The following ALDH9A1 variants were observed in gnomAD, a reference collection of about 807,000 sequenced individuals.
ALDH9A1 encodes the protein aldehyde dehydrogenase 9 family member A1.
ALDH9A1 carries 42 observed loss-of-function variants against 56.6 expected under a neutral mutation model. That is an observed-to-expected ratio of 0.74 (90% CI 0.58 to 0.96). The LOEUF (loss-of-function observed/expected upper bound fraction) is 0.96, where lower values mean the gene tolerates loss of function less well. Among genes scored for constraint, ALDH9A1 ranks in the 40% least tolerant of loss-of-function variants. ALDH9A1 has a pLI of 0.00. For synonymous variants in ALDH9A1, 242 were observed against 236.0 expected, an observed-to-expected ratio of 1.03 and a Z score of -0.23; for missense variants, 661 against 651.5, an observed-to-expected ratio of 1.01 and a Z score of -0.16.
At chr1:165,696,216 TC>T (rs1165463242) in intron 1 of ALDH9A1, among the ~76,000 whole-genome samples, 1 of 152,116 alleles carries the variant, frequency 6.6e-6, no homozygotes, top group African/African-American at 2.4e-5. Context: ...TGCAGACCTC[TC>T]TCCAGAAAAA....
At chr1:165,673,050 T>C (rs1446571594) in intron 6 of ALDH9A1, among the ~76,000 whole-genome samples, 7 of 129,306 alleles carry the variant, frequency 5.4e-5, no homozygotes, top group East Asian at 2.5e-4. Flanking sequence ...GGCTTTACCA[T>C]ACACACAAAA....
intron 6 of ALDH9A1, among the ~76,000 whole-genome samples, chr1:165,670,963 T>TC (rs376806846): frequency 0.39 from 58,826 of 151,586 alleles, 11,515 homozygotes; most frequent in Middle Eastern, 0.48. Context: ...GTCCCAGCTA[T>TC]AGGAGGCTAA....
intron 1 of ALDH9A1, 177 bp downstream of exon 1, chr1:165,698,201 C>G: frequency 7.3e-7 from 1 of 1,367,178 alleles, no homozygotes; most frequent in South Asian, 1.9e-5. Flanking sequence ...CATCCCTGCC[C>G]GGAGGCACTC....
Position 165,678,830 on chromosome 1 carries a change from A to T in ALDH9A1, c.930+612T>A, listed in dbSNP as rs143308043. ...ATCAGACAGACCCAAACTAAGGAACATTCTACAAAATGAATGGCCTGTTCT... is the reference window on the plus strand; with the variant it reads ...ATCAGACAGACCCAAACTAAGGAACTTTCTACAAAATGAATGGCCTGTTCT... On this transcript the variant is annotated intron_variant, in intron 6 of 10. Transcript: ENST00000354775. Among the ~76,000 whole-genome samples the T allele has an allele frequency of 7.9e-5, 12 of 152,346 alleles. No homozygotes were observed. In the East Asian group the frequency reaches 2.3e-3, roughly 29 times the overall value.
intron 1 of ALDH9A1, among the ~76,000 whole-genome samples, chr1:165,697,365 A>T (rs912515176): frequency 1.3e-5 from 2 of 152,262 alleles, no homozygotes; most frequent in Non-Finnish European, 2.9e-5. Flanking sequence ...GCCATTAACT[A>T]TGCAGAAGCA....
intron 2 of ALDH9A1, among the ~76,000 whole-genome samples, chr1:165,689,408 A>G (rs1649811510): frequency 6.6e-6 from 1 of 152,226 alleles, no homozygotes; most frequent in South Asian, 2.1e-4. Context: ...CCAGGATAAT[A>G]AACTTAGTGA....
At chr1:165,681,238 C>A (rs1649542831) in intron 4 of ALDH9A1, among the ~76,000 whole-genome samples, 2 of 152,182 alleles carry the variant, frequency 1.3e-5, no homozygotes, top group African/African-American at 4.8e-5. Flanking sequence ...AGATCCCAAA[C>A]CCTACAGTTG....
chr1:165,681,972 G>T, intron 4 of ALDH9A1, 135 bp downstream of exon 4: 2 of 1,217,948 alleles, frequency 1.6e-6, no homozygotes, highest in Admixed American at 2.5e-5. Flanking sequence ...GTCCTCTGAG[G>T]CTTTGAATAT....
At position 165,665,786 on chromosome 1, in the gene ALDH9A1, T is replaced by C. The variant is rs1051262634; in HGVS notation, c.1350-656A>G. Among the ~76,000 whole-genome samples, 4 of 152,114 alleles carry C rather than the reference T, an allele frequency of 2.6e-5. No homozygotes were observed. In the South Asian group the frequency reaches 6.2e-4, roughly 24 times the overall value. On this transcript the variant is annotated intron_variant, in intron 9 of 10. Coordinates refer to ENST00000354775, the MANE Select transcript of ALDH9A1 (RefSeq NM_000696.4). ...AGGGCTGGTGAGGATGTGGACAAAT[T>C]AGAACCTTCATACGTTGTTCGGAGG... is the stretch of plus-strand genomic sequence containing the variant.
rs1406257079 is a variant in ALDH9A1 at position 165,668,984 on chromosome 1, T to G, written c.1149A>C (p.Ile383=). 1 of 1,612,138 alleles carries G rather than the reference T, an allele frequency of 6.2e-7. No homozygotes were observed. The highest frequency in any genetic ancestry group is 8.5e-7 in the Non-Finnish European group (1 of 1,178,474). ...QGAKVLCGGD[I]YVPEDPKLKD... is the part of the protein sequence containing the mutation. Reference sequence around the variant, plus strand: ...TTAATTTGGGATCTTCAGGTACATATATATCTCCACCACATAACACTTTAG... The same window carrying G: ...TTAATTTGGGATCTTCAGGTACATAGATATCTCCACCACATAACACTTTAG... The change falls in exon 8 of 11, where the codon ATA becomes ATC. Residue 383 remains isoleucine (I), a synonymous_variant. Coordinates refer to ENST00000354775, the MANE Select transcript of ALDH9A1 (RefSeq NM_000696.4).
At chr1:165,664,985 C>T (rs761941616) in intron 10 of ALDH9A1, 33 bp downstream of exon 10, 1 of 1,528,750 alleles carries the variant, frequency 6.5e-7, no homozygotes, top group African/African-American at 1.4e-5. Context: ...GCTCTAGAGA[C>T]CTAGTTTGCA....
At chr1:165,666,715 A>G (rs1255574967) in intron 9 of ALDH9A1, among the ~76,000 whole-genome samples, 1 of 152,236 alleles carries the variant, frequency 6.6e-6, no homozygotes, top group Non-Finnish European at 1.5e-5. Context: ...CCGCTTTAGC[A>G]AACTGCCTTC....
chr1:165,669,105 T>C, intron 7 of ALDH9A1, 92 bp from the exon 8 acceptor site: 1 of 1,351,014 alleles, frequency 7.4e-7, no homozygotes, highest in Non-Finnish European at 1.0e-6. Context: ...AAACACATAG[T>C]CTTCCCAGTG....
rs1648894753 is a variant in ALDH9A1, at chr1:165,663,086, C to T, written c.1521G>A (p.Val507=). ...TIEYYSQLKT[V]CVEMGDVESA... ...ATTCCACATCACCCATCTCCACACA[C>T]ACAGTCTTCAGCTGTGAATAATATT... The change falls in exon 11 of 11, where the codon GTG becomes GTA. Residue 507 remains valine (V), a synonymous_variant. Coordinates refer to ENST00000354775, the MANE Select transcript of ALDH9A1 (RefSeq NM_000696.4). The T allele has an allele frequency of 6.2e-7, 1 of 1,613,972 alleles. No homozygotes were observed. Among genetic ancestry groups the T allele is most frequent in the Admixed American group, 1.7e-5 (1 of 60,000 alleles).
Position 165,680,544 on chromosome 1 carries a change from A to G in ALDH9A1, c.732T>C (p.Cys244=). 1.9e-6 allele frequency: 3 copies of G among 1,614,168 alleles called. No homozygotes were observed. Among genetic ancestry groups the G allele is most frequent in the Non-Finnish European group, 2.5e-6 (3 of 1,180,016 alleles). ...QGGAATGQFL[C]QHPDVAKVSF... ...AGACTTTGGCCACATCGGGATGCTG[A>G]CACAGAAACTGGCCTGTGGCAGCCC... The change falls in exon 5 of 11, where the codon TGT becomes TGC. Residue 244 remains cysteine, a synonymous_variant. Transcript: ENST00000354775.
In ALDH9A1 at chr1:165,666,425, G is replaced by A. The variant is rs115667989; in HGVS notation, c.1349+884C>T. On this transcript the variant is annotated intron_variant, in intron 9 of 10. Coordinates refer to ENST00000354775, the MANE Select transcript of ALDH9A1 (RefSeq NM_000696.4). ...GTATGTGCATTATCCCAGTAAAGCTGGTAAGAAAAAAAGAATAGCACATTG... is the reference window on the plus strand; with the variant it reads ...GTATGTGCATTATCCCAGTAAAGCTAGTAAGAAAAAAAGAATAGCACATTG... 4.1e-3 allele frequency among the ~76,000 whole-genome samples: 623 copies of A among 152,214 alleles called. 5 individuals carry two copies. The highest frequency in any genetic ancestry group is 0.014 in the African/African-American group (563 of 41,538).
Position 165,677,842 on chromosome 1 carries a change from A to G in ALDH9A1, c.930+1600T>C, listed in dbSNP as rs113915441. Among the ~76,000 whole-genome samples, 450 of 144,094 alleles carry G rather than the reference A, an allele frequency of 3.1e-3. 3 individuals carry two copies. Among genetic ancestry groups the G allele is most frequent in the African/African-American group, 0.011 (429 of 38,056 alleles). 94.5% of individuals were successfully genotyped at this position (144,094 alleles called of 152,430 possible). A position where few individuals can be genotyped will look rare whatever the true frequency, so the allele number is the denominator to read the frequency against. On this transcript the variant is annotated intron_variant, in intron 6 of 10. Coordinates refer to ENST00000354775, the MANE Select transcript of ALDH9A1 (RefSeq NM_000696.4). ...CACTGTACTCCAGCCTGGGCGACAG[A>G]GCAAGACTCTGTCTCAAAAAAAAAA...
chr1:165,674,265 T>C (rs12072664), intron 6 of ALDH9A1, among the ~76,000 whole-genome samples: 33,103 of 142,798 alleles, frequency 0.23, 4,983 homozygotes, highest in East Asian at 0.81. Flanking sequence ...GCTCTGCCTA[T>C]GGAGTAGGCA....
intron 2 of ALDH9A1, among the ~76,000 whole-genome samples, chr1:165,691,777 T>C (rs144179738): frequency 1.0e-3 from 154 of 152,256 alleles, no homozygotes; most frequent in African/African-American, 3.6e-3. Context: ...AAAAAGAGAA[T>C]TTTAGACCAA....
Sources: allele counts gnomAD v4.1 joint callset (sites outside exome capture counted in the v4.1 genomes callset), GRCh38; gene constraint gnomAD v4.1.1; transcripts MANE v1.5; gene names NCBI Gene and HGNC (gene_info 2026-07-23, HGNC 2026-07-21).